PRKN: variants seen among roughly 807,000 people sequenced by gnomAD.
The protein encoded by PRKN is E3 ubiquitin-protein ligase parkin.
PRKN carries 56 observed loss-of-function variants against 59.5 expected under a neutral mutation model. The observed-to-expected ratio is 0.94, with a 90% CI of 0.76 to 1.18. The LOEUF (loss-of-function observed/expected upper bound fraction) is 1.18, where lower values mean the gene tolerates loss of function less well. Ranked by LOEUF, PRKN falls within the 50% of genes most tolerant of loss-of-function variation. The pLI is 0.00. For synonymous variants in PRKN, 250 were observed against 222.1 expected, an observed-to-expected ratio of 1.13 and a Z score of -1.12; for missense variants, 657 against 596.4, an observed-to-expected ratio of 1.10 and a Z score of -1.06.
chr6:161,783,122 G>C (rs1480482643), intron 7 of PRKN, among the ~76,000 whole-genome samples: 1 of 152,018 alleles, frequency 6.6e-6, no homozygotes, highest in Non-Finnish European at 1.5e-5. Flanking sequence ...CCAAAGTAAG[G>C]CAAATGAGTA....
intron 9 of PRKN, among the ~76,000 whole-genome samples, chr6:161,510,928 A>G (rs985656942): frequency 1.2e-4 from 19 of 152,184 alleles, no homozygotes; most frequent in African/African-American, 4.3e-4. Context: ...TAAGGGAAAT[A>G]GTTTTTGTTA....
chr6:162,604,697 C>CTTTT (rs35730217), intron 1 of PRKN, among the ~76,000 whole-genome samples: 2 of 135,210 alleles, frequency 1.5e-5, no homozygotes, highest in African/African-American at 2.7e-5. Context: ...TTTCTCTCTC[C>CTTTT]TTTTTTTTTT....
intron 2 of PRKN, among the ~76,000 whole-genome samples, chr6:162,308,059 G>T (rs1229826626): frequency 1.3e-5 from 2 of 152,182 alleles, no homozygotes; most frequent in African/African-American, 4.8e-5. Context: ...TAATAAGAAA[G>T]GATGCAAATG....
At chr6:162,565,709 C>T (rs1013084845) in intron 1 of PRKN, among the ~76,000 whole-genome samples, 1 of 123,394 alleles carries the variant, frequency 8.1e-6, no homozygotes, top group African/African-American at 2.8e-5. Flanking sequence ...TACATACATA[C>T]ATACATACAT....
intron 5 of PRKN, among the ~76,000 whole-genome samples, chr6:162,032,763 G>A (rs1783688926): frequency 6.6e-6 from 1 of 152,176 alleles, no homozygotes; most frequent in Non-Finnish European, 1.5e-5. Flanking sequence ...AAAGCCCCAT[G>A]AGACAATGAC....
intron 4 of PRKN, among the ~76,000 whole-genome samples, chr6:162,182,470 T>C (rs1484942967): frequency 2.6e-5 from 4 of 152,210 alleles, no homozygotes; most frequent in African/African-American, 9.7e-5. Flanking sequence ...GGGGTGGATC[T>C]ACCGGGAGTC....
chr6:161,612,795 T>A (rs1241054025), intron 7 of PRKN, among the ~76,000 whole-genome samples: 1 of 150,302 alleles, frequency 6.7e-6, no homozygotes, highest in Non-Finnish European at 1.5e-5. Flanking sequence ...AAAGACAGGA[T>A]GAGAGCACAT....
chr6:161,710,769 C>A (rs1436376049), intron 7 of PRKN, among the ~76,000 whole-genome samples: 1 of 151,982 alleles, frequency 6.6e-6, no homozygotes. Flanking sequence ...ATGTGCCTGC[C>A]TGCTTAACTT....
intron 7 of PRKN, among the ~76,000 whole-genome samples, chr6:161,746,855 T>C (rs1788453367): frequency 6.7e-6 from 1 of 149,518 alleles, no homozygotes; most frequent in African/African-American, 2.4e-5. Flanking sequence ...TATGTATGTA[T>C]CTATATATCT....
intron 1 of PRKN, among the ~76,000 whole-genome samples, chr6:162,657,619 T>C (rs947052760): frequency 3.9e-5 from 6 of 152,212 alleles, no homozygotes; most frequent in African/African-American, 1.4e-4. Flanking sequence ...ATATTTTCAA[T>C]GATAATTTTT....
At position 162,372,944 on chromosome 6, in the gene PRKN, C is replaced by T. The variant is rs145584949; in HGVS notation, c.171+70366G>A. Among the ~76,000 whole-genome samples, 569 of 152,132 alleles carry T rather than the reference C, an allele frequency of 3.7e-3. 4 individuals are homozygous for T. The highest frequency in any genetic ancestry group is 0.013 in the African/African-American group (542 of 41,504). The stretch of plus-strand genomic sequence containing the variant: ...CTAGATGTGTTGATTTTGTTTATCA[C>T]GGTGTCAACTACCGGAGGAGTAGGC... On this transcript the variant is annotated intron_variant, in intron 2 of 11. Coordinates refer to ENST00000366898, the MANE Select transcript of PRKN (RefSeq NM_004562.3).
chr6:162,230,205 A>G (rs1360197804), intron 3 of PRKN, among the ~76,000 whole-genome samples: 4 of 152,226 alleles, frequency 2.6e-5, no homozygotes, highest in Admixed American at 2.6e-4. Flanking sequence ...TTACTGAAGC[A>G]ATTTTTATAT....
intron 4 of PRKN, among the ~76,000 whole-genome samples, chr6:162,082,045 A>G (rs1779080501): frequency 6.6e-6 from 1 of 152,124 alleles, no homozygotes; most frequent in Non-Finnish European, 1.5e-5. Context: ...TGAAGAGGGT[A>G]CAGGTCTTTG....
intron 7 of PRKN, among the ~76,000 whole-genome samples, chr6:161,570,074 AG>A (rs1386822074): frequency 6.8e-6 from 1 of 146,478 alleles, no homozygotes; most frequent in Non-Finnish European, 1.5e-5. Flanking sequence ...AAGCTCCTTC[AG>A]ACTTTCACCT....
chr6:161,615,557 C>G lies in PRKN; in HGVS notation c.872-46141G>C, dbSNP rs547469111. On this transcript the variant is annotated intron_variant, in intron 7 of 11. Transcript: ENST00000366898. The stretch of plus-strand genomic sequence containing the variant: ...ACCACTAAACTACCAATGCATCCAA[C>G]TATGTTACAATAGCCACAAGCACCG... Among the ~76,000 whole-genome samples the G allele has an allele frequency of 8.5e-5, 13 of 152,336 alleles. No individual in the cohort carries two copies. In the East Asian group the frequency reaches 2.5e-3, roughly 29 times the overall value.
chr6:161,633,141 T>A (rs2128155447), intron 7 of PRKN, among the ~76,000 whole-genome samples: 1 of 152,300 alleles, frequency 6.6e-6, no homozygotes, highest in Non-Finnish European at 1.5e-5. Context: ...ATGAAATACC[T>A]TTCAGAAAAA....
intron 6 of PRKN, among the ~76,000 whole-genome samples, chr6:161,904,229 G>A (rs147985078): frequency 0.013 from 1,973 of 151,554 alleles, 29 homozygotes; most frequent in Middle Eastern, 0.017. Flanking sequence ...GAGCCAGCAC[G>A]CCCACAGTTT....
At chr6:162,610,854 CAT>C (rs1583902725) in intron 1 of PRKN, among the ~76,000 whole-genome samples, 2 of 152,150 alleles carry the variant, frequency 1.3e-5, no homozygotes, top group East Asian at 3.9e-4. Context: ...ACTAAGGTAA[CAT>C]TTTTTAAAAA....
At chr6:162,020,942 A>G (rs1783123583) in intron 5 of PRKN, among the ~76,000 whole-genome samples, 1 of 151,364 alleles carries the variant, frequency 6.6e-6, no homozygotes, top group Non-Finnish European at 1.5e-5. Context: ...ATCTCTACAA[A>G]AAATACAAAA....
Sources: gnomAD v4.1 joint callset for allele counts (sites outside exome capture counted in the v4.1 genomes callset) on GRCh38, gnomAD v4.1.1 for gene constraint, MANE v1.5 for transcripts, NCBI Gene and HGNC (gene_info 2026-07-23, HGNC 2026-07-21) for gene names.